The following RANBP3L variants were observed in gnomAD, a reference collection of about 807,000 sequenced individuals.
RANBP3L encodes RAN binding protein 3 like, also known as ran-binding protein 3-like.
A neutral mutation model predicts 67.2 loss-of-function variants in RANBP3L; 56 were observed. That is an observed-to-expected ratio of 0.83 (90% CI 0.67 to 1.04). The LOEUF (loss-of-function observed/expected upper bound fraction) is 1.04, where lower values mean the gene tolerates loss of function less well. Ranked by LOEUF, RANBP3L falls within the 50% of genes least tolerant of loss-of-function variation. The pLI, the probability that RANBP3L is intolerant of heterozygous loss-of-function variation, is 0.00. For synonymous variants in RANBP3L, 164 were observed against 181.4 expected, an observed-to-expected ratio of 0.90 and a Z score of 0.77; for missense variants, 496 against 535.5, an observed-to-expected ratio of 0.93 and a Z score of 0.73.
chr5:36,276,010 G>A (rs1750541548), intron 1 of RANBP3L, among the ~76,000 whole-genome samples: 1 of 152,054 alleles, frequency 6.6e-6, no homozygotes, highest in South Asian at 2.1e-4. Context: ...CAGAATTAGA[G>A]GACAAACCCC....
intron 1 of RANBP3L, among the ~76,000 whole-genome samples, chr5:36,283,098 A>G (rs1751081182): frequency 6.6e-6 from 1 of 152,108 alleles, no homozygotes; most frequent in African/African-American, 2.4e-5. Flanking sequence ...AAATTTATCT[A>G]TTTCTGAGGA....
At chr5:36,272,005 T>C (rs1428333996) in intron 1 of RANBP3L, among the ~76,000 whole-genome samples, 1 of 152,114 alleles carries the variant, frequency 6.6e-6, no homozygotes, top group Non-Finnish European at 1.5e-5. Flanking sequence ...AAATACTATG[T>C]GGTAGTTAAG....
rs150576389 is a variant in RANBP3L, at chr5:36,291,026, G to A, written c.91+10300C>T. ...CCCAAAGTGCTGGGATTACAGGCGT[G>A]AGCCACCATGCCTGGCCCGGCTTTT... On this transcript the variant is annotated intron_variant, in intron 1 of 13. Transcript: ENST00000296604. 3.2e-3 allele frequency among the ~76,000 whole-genome samples: 480 copies of A among 151,146 alleles called. 2 individuals are homozygous for A. The highest frequency in any genetic ancestry group is 0.024 in the Middle Eastern group (7 of 294).
At chr5:36,261,869 C>T in intron 7 of RANBP3L, 70 bp downstream of exon 7, 1 of 755,276 alleles carries the variant, frequency 1.3e-6, no homozygotes, top group Non-Finnish European at 2.2e-6. Context: ...AATTATTTTC[C>T]ATGAATGGTT....
At chr5:36,291,040 G>T (rs1481733377) in intron 1 of RANBP3L, among the ~76,000 whole-genome samples, 1 of 151,718 alleles carries the variant, frequency 6.6e-6, no homozygotes, top group African/African-American at 2.4e-5. Context: ...CACCATGCCT[G>T]GCCCGGCTTT....
intron 1 of RANBP3L, among the ~76,000 whole-genome samples, chr5:36,298,900 T>C (rs1752418928): frequency 6.6e-6 from 1 of 152,216 alleles, no homozygotes; most frequent in Non-Finnish European, 1.5e-5. Context: ...ATATTGCCAG[T>C]GTGATGGTTC....
chr5:36,262,293 G>C (rs73081942), intron 6 of RANBP3L, among the ~76,000 whole-genome samples: 1 of 152,002 alleles, frequency 6.6e-6, no homozygotes, highest in Non-Finnish European at 1.5e-5. Flanking sequence ...ATACAGTGGC[G>C]ATCTGTCTAA....
At chr5:36,260,918 T>A (rs1749339247) in intron 7 of RANBP3L, 54 bp from the exon 8 acceptor site, 2 of 738,532 alleles carry the variant, frequency 2.7e-6, no homozygotes, top group South Asian at 3.6e-5. Context: ...AAAGCCATTT[T>A]AAACCTTGAA....
At chr5:36,262,191 T>A (rs1011865944) in intron 6 of RANBP3L, 149 bp from the exon 7 acceptor site, 5 of 534,258 alleles carry the variant, frequency 9.4e-6, no homozygotes, top group African/African-American at 3.9e-5. Context: ...TCTCATTTAC[T>A]CCTTACAACT....
chr5:36,259,019 G>T (rs1399151305), intron 8 of RANBP3L, among the ~76,000 whole-genome samples: 1 of 152,226 alleles, frequency 6.6e-6, no homozygotes, highest in Admixed American at 6.5e-5. Context: ...TGAATGTTAA[G>T]TTGATCCTGT....
chr5:36,281,370 C>T (rs1351206380), intron 1 of RANBP3L, among the ~76,000 whole-genome samples: 1 of 152,150 alleles, frequency 6.6e-6, no homozygotes, highest in Non-Finnish European at 1.5e-5. Flanking sequence ...AACCCTTTTG[C>T]TCATGAGAGA....
At position 36,257,006 on chromosome 5, in the gene RANBP3L, G is replaced by T. The variant is rs773924279; in HGVS notation, c.838C>A (p.Arg280=). The change falls in exon 10 of 14, where the codon CGA becomes AGA. Residue 280 remains arginine, a synonymous_variant. Transcript: ENST00000296604. ...TCAATTTTCTCCAGCAAGCATTTTC[G>T]TGATGGTTGGGAAGAGAATGCAGCA... ...SAAAFSSQPS[R]KCLLEKIDVI... is the part of the protein sequence containing the mutation. 6.2e-7 allele frequency: 1 copy of T among 1,612,458 alleles called. No homozygotes were observed. The highest frequency in any genetic ancestry group is 1.3e-5 in the African/African-American group (1 of 74,920).
In RANBP3L at chr5:36,271,371, T is replaced by A. The variant is rs575388250; in HGVS notation, c.92-60A>T. The A allele has an allele frequency of 2.2e-5, 24 of 1,091,302 alleles. No homozygotes were observed. The African/African-American group carries it at 3.9e-4, about 18-fold the overall frequency. The allele number at this position is 1,091,302 out of a possible 1,614,324, so 67.6% of individuals were successfully genotyped here. A position where few individuals can be genotyped will look rare whatever the true frequency, so the allele number is the denominator to read the frequency against. On this transcript the variant is annotated intron_variant, in intron 1 of 13. Coordinates refer to ENST00000296604, the MANE Select transcript of RANBP3L (RefSeq NM_145000.5). ...GCATACTCTGACATTTCTTACATCA[T>A]CTAAAAATATTTGAAGACTTTTTTT...
chr5:36,267,633 CAATT>C (rs1749904359), intron 4 of RANBP3L, among the ~76,000 whole-genome samples: 2 of 151,994 alleles, frequency 1.3e-5, no homozygotes, highest in African/African-American at 2.4e-5. Flanking sequence ...TTGGAAAAGG[CAATT>C]GATTGTTTAG....
chr5:36,273,328 T>C lies in RANBP3L; in HGVS notation c.92-2017A>G, dbSNP rs547013320. Reference sequence around the variant, plus strand: ...AAAAATGTGCAAAAGTGATCTTCAATGGCAACATTAAAGAGGAAGTCACAA... The same window carrying C: ...AAAAATGTGCAAAAGTGATCTTCAACGGCAACATTAAAGAGGAAGTCACAA... On this transcript the variant is annotated intron_variant, in intron 1 of 13. Coordinates refer to ENST00000296604, the MANE Select transcript of RANBP3L (RefSeq NM_145000.5). Among the ~76,000 whole-genome samples the C allele has an allele frequency of 3.3e-5, 5 of 152,270 alleles. No individual in the cohort carries two copies. The South Asian group carries it at 8.3e-4, about 25-fold the overall frequency.
intron 1 of RANBP3L, among the ~76,000 whole-genome samples, chr5:36,280,509 CAG>C (rs1750898440): frequency 1.3e-5 from 2 of 152,202 alleles, no homozygotes; most frequent in African/African-American, 4.8e-5. Flanking sequence ...ATGGAGTTCA[CAG>C]AGTCCTAAAA....
intron 6 of RANBP3L, 61 bp from the exon 7 acceptor site, chr5:36,262,103 A>G: frequency 1.2e-6 from 1 of 804,436 alleles, no homozygotes. Context: ...GGACCATCAG[A>G]CAAGGAAACA....
At chr5:36,250,405 C>A (rs1748512188) in intron 13 of RANBP3L, among the ~76,000 whole-genome samples, 2 of 151,820 alleles carry the variant, frequency 1.3e-5, no homozygotes, top group South Asian at 4.1e-4. Flanking sequence ...GTGTATTTTT[C>A]CTTTTGATTA....
chr5:36,299,837 C>T (rs1752494260), intron 1 of RANBP3L, among the ~76,000 whole-genome samples: 1 of 152,102 alleles, frequency 6.6e-6, no homozygotes, highest in South Asian at 2.1e-4. Context: ...ATTTGTTCAT[C>T]CTCTGTCATT....
Sources: allele counts gnomAD v4.1 joint callset (sites outside exome capture counted in the v4.1 genomes callset), GRCh38; gene constraint gnomAD v4.1.1; transcripts MANE v1.5; gene names NCBI Gene and HGNC (gene_info 2026-07-23, HGNC 2026-07-21).